EIF2B1: variants seen among roughly 807,000 people sequenced by gnomAD.
The protein encoded by EIF2B1 is eukaryotic translation initiation factor 2B subunit alpha.
EIF2B1 carries 30 observed loss-of-function variants against 36.8 expected under a neutral mutation model. That is an observed-to-expected ratio of 0.81 (90% CI 0.61 to 1.10). The LOEUF is 1.10. Among genes scored for constraint, EIF2B1 ranks in the 50% least tolerant of loss-of-function variants. The probability of loss-of-function intolerance (pLI) is 0.00; values close to 1 mark genes in which losing one functional copy is unlikely to be tolerated. For missense variants in EIF2B1, 271 were observed against 374.8 expected, an observed-to-expected ratio of 0.72 and a Z score of 2.29; for synonymous variants, 139 against 142.2, an observed-to-expected ratio of 0.98 and a Z score of 0.16.
intron 7 of EIF2B1, among the ~76,000 whole-genome samples, chr12:123,623,540 ACT>A (rs1009255019): frequency 4.6e-5 from 7 of 151,714 alleles, no homozygotes; most frequent in Non-Finnish European, 7.4e-5. Flanking sequence ...GTGACTCAAC[ACT>A]CTGCCTGCAG....
intron 4 of EIF2B1, among the ~76,000 whole-genome samples, chr12:123,627,905 T>C (rs754580315): frequency 6.6e-6 from 1 of 152,202 alleles, no homozygotes; most frequent in Non-Finnish European, 1.5e-5. Context: ...GCTGGCGTCA[T>C]GTGGCCCCAA....
At position 123,624,787 on chromosome 12, in the gene EIF2B1, C is replaced by G. The variant is rs1955135731; in HGVS notation, c.627G>C (p.Lys209Asn). Reference protein sequence around the residue: ...GVVENGGIINKIGTNQMAVCA... With the variant: ...GVVENGGIINNIGTNQMAVCA... ...AACTGGGGAGAACTGATGCTCTTAC[C>G]TTGTTAATAATTCCTCCGTTTTCAA... The change falls in exon 7 of 9, where the codon AAG becomes AAC. Residue 209 changes from lysine (K) to asparagine (N), a missense_variant and splice_region_variant. Lys to Asn is a moderately conservative substitution (Grantham distance 94). Coordinates refer to ENST00000424014, the MANE Select transcript of EIF2B1 (RefSeq NM_001414.4). The G allele has an allele frequency of 6.2e-7, 1 of 1,613,690 alleles. No individual in the cohort carries two copies. The highest frequency in any genetic ancestry group is 8.5e-7 in the Non-Finnish European group (1 of 1,179,650).
At chr12:123,631,531 G>A (rs540593052) in intron 2 of EIF2B1, among the ~76,000 whole-genome samples, 5 of 152,150 alleles carry the variant, frequency 3.3e-5, no homozygotes, top group African/African-American at 9.6e-5. Flanking sequence ...AAATTTGGCC[G>A]GGCCCGGTGG....
intron 4 of EIF2B1, 59 bp from the exon 5 acceptor site, chr12:123,627,215 C>T (rs1955155956): frequency 3.7e-6 from 5 of 1,340,426 alleles, no homozygotes; most frequent in African/African-American, 1.4e-5. Flanking sequence ...CTCACACCCT[C>T]TGCACTGCGG....
intron 4 of EIF2B1, chr12:123,629,957 C>T (rs1479682579): frequency 3.2e-6 from 2 of 626,520 alleles, no homozygotes; most frequent in Non-Finnish European, 5.7e-6. Flanking sequence ...CCCCTTGCCC[C>T]TTACATGTCT....
intron 5 of EIF2B1, 137 bp from the exon 6 acceptor site, chr12:123,626,630 T>C: frequency 1.0e-6 from 1 of 990,982 alleles, no homozygotes; most frequent in Non-Finnish European, 1.6e-6. Context: ...TCCCAATACT[T>C]TGGACTAAGG....
chr12:123,633,608 T>A lies in EIF2B1; in HGVS notation c.-51A>T, dbSNP rs765052682. 12 of 1,602,164 alleles carry A rather than the reference T, an allele frequency of 7.5e-6. No homozygotes were observed. The highest frequency in any genetic ancestry group is 1.0e-5 in the Non-Finnish European group (12 of 1,179,502). On this transcript the variant is annotated 5_prime_UTR_variant, in exon 1 of 9. Coordinates refer to ENST00000424014, the MANE Select transcript of EIF2B1 (RefSeq NM_001414.4). ...GGGGACCCGAGCCGCCCGCGCTGTC[T>A]CGAACGGGTCCGCCGGCCGCGCCGC...
Position 123,629,312 on chromosome 12 carries a change from C to T in EIF2B1, c.369+857G>A, listed in dbSNP as rs569713919. Among the ~76,000 whole-genome samples the T allele has an allele frequency of 1.4e-4, 21 of 152,222 alleles. No homozygotes were observed. In the East Asian group the frequency reaches 1.5e-3, roughly 11 times the overall value. On this transcript the variant is annotated intron_variant, in intron 4 of 8. Transcript: ENST00000424014. The stretch of plus-strand genomic sequence containing the variant: ...TGTCTTTCCTCACTTATAAACACTG[C>T]GTGGCTTTACATCTCTGTAATAGCA...
chr12:123,625,164 T>C (rs571823832), intron 6 of EIF2B1, among the ~76,000 whole-genome samples: 57 of 152,324 alleles, frequency 3.7e-4, no homozygotes, highest in Non-Finnish European at 7.1e-4. Flanking sequence ...TGTGGTATCC[T>C]CTACTTTCTT....
chr12:123,633,356 A>C (rs908940670), intron 1 of EIF2B1, among the ~76,000 whole-genome samples, 189 bp downstream of exon 1: 4 of 151,744 alleles, frequency 2.6e-5, no homozygotes, highest in Non-Finnish European at 4.4e-5. Flanking sequence ...GCCTGCAGAT[A>C]CTGCCAGGGC....
intron 4 of EIF2B1, among the ~76,000 whole-genome samples, chr12:123,629,562 A>T (rs1281763856): frequency 6.6e-6 from 1 of 152,042 alleles, no homozygotes; most frequent in Non-Finnish European, 1.5e-5. Flanking sequence ...GGGAGGCCGA[A>T]GCGGGTGGAT....
intron 8 of EIF2B1, among the ~76,000 whole-genome samples, chr12:123,622,416 G>A (rs1357758232): frequency 1.3e-5 from 2 of 152,124 alleles, no homozygotes; most frequent in Non-Finnish European, 2.9e-5. Context: ...ACCAGCTTCG[G>A]GCTTCCTCTC....
Position 123,621,678 on chromosome 12 carries a change from G to A in EIF2B1, c.*78C>T, listed in dbSNP as rs1955100116. ...ATTAAACACATCTCAGTTTTGGCCT[G>A]ACTCACTGGGGTGTCAAGCAGCTAC... On this transcript the variant is annotated 3_prime_UTR_variant, in exon 9 of 9. Transcript: ENST00000424014. 4 of 1,593,230 alleles carry A rather than the reference G, an allele frequency of 2.5e-6. No homozygotes were observed. The African/African-American group carries it at 5.4e-5, about 21-fold the overall frequency.
At position 123,630,944 on chromosome 12, in the gene EIF2B1, T is replaced by C. The variant is rs114155449; in HGVS notation, c.116-411A>G. On this transcript the variant is annotated intron_variant, in intron 2 of 8. Coordinates refer to ENST00000424014, the MANE Select transcript of EIF2B1 (RefSeq NM_001414.4). The surrounding 1 kb of genome is among the most constrained non-coding windows in gnomAD (Gnocchi z 4.6). ...GACACTGGAGGTTGCCTTAAAGACA[T>C]GTGTCTCTAGGCAAGCCCTTCAGAT... is the stretch of plus-strand genomic sequence containing the variant. Among the ~76,000 whole-genome samples, 2,354 of 152,310 alleles carry C rather than the reference T, an allele frequency of 0.015. 56 individuals are homozygous for C. The highest frequency in any genetic ancestry group is 0.053 in the African/African-American group (2,203 of 41,558).
Position 123,621,713 on chromosome 12 carries a change from C to A in EIF2B1, c.*43G>T. The A allele has an allele frequency of 1.2e-6, 2 of 1,612,396 alleles. No homozygotes were observed. The highest frequency in any genetic ancestry group is 1.7e-6 in the Non-Finnish European group (2 of 1,179,940). On this transcript the variant is annotated 3_prime_UTR_variant, in exon 9 of 9. Transcript: ENST00000424014. ...GGTGTCAAGCAGCTACTCACCCTGC[C>A]TCAACTACGTAAGCTGCACCTTGGC...
chr12:123,625,574 A>G (rs1955142326), intron 6 of EIF2B1, among the ~76,000 whole-genome samples: 1 of 152,238 alleles, frequency 6.6e-6, no homozygotes, highest in Non-Finnish European at 1.5e-5. Context: ...GAATTCCTCA[A>G]AATCCTTACT....
At chr12:123,622,519 A>T in intron 8 of EIF2B1, 117 bp downstream of exon 8, 2 of 1,393,486 alleles carry the variant, frequency 1.4e-6, no homozygotes, top group Non-Finnish European at 2.0e-6. Flanking sequence ...TTGTATTCCA[A>T]GTGTTGGGGA....
chr12:123,621,361 A>G lies in EIF2B1; in HGVS notation c.*395T>C, dbSNP rs1050449. 94,771 of 332,506 alleles carry G rather than the reference A, an allele frequency of 0.29. 14,932 individuals carry two copies. Among genetic ancestry groups the G allele is most frequent in the African/African-American group, 0.42 (19,487 of 46,460 alleles). The allele number at this position is 332,506 out of a possible 1,614,324, so 20.6% of individuals were successfully genotyped here. On this transcript the variant is annotated 3_prime_UTR_variant, in exon 9 of 9. Transcript: ENST00000424014. ...GTAACGTCCTGACCAGCTGTTGGTC[A>G]TTTGTGGCAGAGGGGTGTGGCTGCT...
chr12:123,624,772 A>C lies in EIF2B1; in HGVS notation c.627+15T>G. On this transcript the variant is annotated intron_variant, in intron 7 of 8. Coordinates refer to ENST00000424014, the MANE Select transcript of EIF2B1 (RefSeq NM_001414.4). ...AAGTCTTGAGCAGGGAACTGGGGAGAACTGATGCTCTTACCTTGTTAATAA... is the reference window on the plus strand; with the variant it reads ...AAGTCTTGAGCAGGGAACTGGGGAGCACTGATGCTCTTACCTTGTTAATAA... 6.2e-7 allele frequency: 1 copy of C among 1,612,332 alleles called. No homozygotes were observed. The highest frequency in any genetic ancestry group is 1.1e-5 in the South Asian group (1 of 91,062).
Sources: gnomAD v4.1 joint callset for allele counts (sites outside exome capture counted in the v4.1 genomes callset) on GRCh38, gnomAD v4.1.1 for gene constraint, Gnocchi (gnomAD v3.1) non-coding constraint, MANE v1.5 for transcripts, NCBI Gene and HGNC (gene_info 2026-07-23, HGNC 2026-07-21) for gene names.